SORCS2: variants seen among roughly 807,000 people sequenced by gnomAD.
The protein encoded by SORCS2 is sortilin related VPS10 domain containing receptor 2, also known as VPS10 domain-containing receptor SorCS2.
Under a neutral mutation model 141.6 loss-of-function variants are expected in SORCS2, and 100 were observed. The ratio of observed to expected loss-of-function variants is 0.71; its 90% CI spans 0.60 to 0.83. SORCS2 has a LOEUF of 0.83. Ranked by LOEUF, SORCS2 falls within the 40% of genes least tolerant of loss-of-function variation. The pLI is 0.00. For missense variants in SORCS2, 1,646 were observed against 1,560.2 expected (o/e 1.05, Z -0.93); for synonymous variants, 789 against 676.9 (o/e 1.17, Z -2.57).
chr4:7,398,390 T>C (rs6827958), intron 2 of SORCS2, among the ~76,000 whole-genome samples: 42,143 of 152,172 alleles, frequency 0.28, 6,698 homozygotes, highest in East Asian at 0.46. Context: ...TTGTGAGAAC[T>C]GAATGAGGAA....
rs761219784 is a variant in SORCS2, at chr4:7,472,175, C to T, written c.549-59355C>T. On this transcript the variant is annotated intron_variant, in intron 2 of 26. Transcript: ENST00000507866. The stretch of plus-strand genomic sequence containing the variant: ...TGCCCTGGGCAGGCTGCTGCAGGCA[C>T]AGAGGGGCCTCAGACCCAAAGAGCA... Among the ~76,000 whole-genome samples the T allele has an allele frequency of 2.6e-5, 4 of 152,262 alleles. No individual in the cohort carries two copies. In the East Asian group the frequency reaches 7.7e-4, roughly 29 times the overall value.
chr4:7,239,836 A>C (rs148528793), intron 1 of SORCS2, among the ~76,000 whole-genome samples: 34 of 152,382 alleles, frequency 2.2e-4, no homozygotes, highest in African/African-American at 7.0e-4. Context: ...ATAAAAGCCC[A>C]AGAATTTGTC....
Position 7,661,551 on chromosome 4 carries a change from A to G in SORCS2, c.939A>G (p.Gln313=). The change falls in exon 6 of 27, where the codon CAA becomes CAG. Residue 313 remains glutamine, a synonymous_variant. Transcript: ENST00000507866. ...ADPDLVHVEA[Q]DLGGDFRYVT... is the part of the protein sequence containing the mutation. Reference sequence around the variant, plus strand: ...CTGACTTGGTCCACGTGGAAGCCCAAGACCTCGGTGGAGGTAAGCCGGGCA... The same window carrying G: ...CTGACTTGGTCCACGTGGAAGCCCAGGACCTCGGTGGAGGTAAGCCGGGCA... 2 of 1,551,872 alleles carry G rather than the reference A, an allele frequency of 1.3e-6. No homozygotes were observed. Among genetic ancestry groups the G allele is most frequent in the South Asian group, 2.4e-5 (2 of 84,032 alleles).
intron 1 of SORCS2, among the ~76,000 whole-genome samples, chr4:7,299,034 C>T (rs1186150557): frequency 1.3e-5 from 2 of 152,284 alleles, no homozygotes; most frequent in African/African-American, 2.4e-5. Flanking sequence ...GCCGTTCTGG[C>T]CCCGCCACCC....
rs1279115124 is a variant in SORCS2, at chr4:7,546,109, T to C, written c.648+14480T>C. On this transcript the variant is annotated intron_variant, in intron 3 of 26. Transcript: ENST00000507866. Reference sequence around the variant, plus strand: ...GGTCCTGCCTCCAAATCCCATCACCTTGGGATTAGGGGTTCAGCCTGTGAA... The same window carrying C: ...GGTCCTGCCTCCAAATCCCATCACCCTGGGATTAGGGGTTCAGCCTGTGAA... Among the ~76,000 whole-genome samples, 3 of 151,998 alleles carry C rather than the reference T, an allele frequency of 2.0e-5. No homozygotes were observed. The East Asian group carries it at 5.8e-4, about 29-fold the overall frequency.
Position 7,655,928 on chromosome 4 carries a change from A to G in SORCS2, c.887+1721A>G, listed in dbSNP as rs1421421048. Among the ~76,000 whole-genome samples, 3 of 152,182 alleles carry G rather than the reference A, an allele frequency of 2.0e-5. 1 individual carries two copies. Among genetic ancestry groups the G allele is most frequent in the Admixed American group, 2.0e-4 (3 of 15,276 alleles). On this transcript the variant is annotated intron_variant, in intron 5 of 26. Transcript: ENST00000507866. ...AAATTGGCGATAATTCAAACGTGTT[A>G]TTATCTCAGGCAAATCAAATTGTTT...
intron 10 of SORCS2, among the ~76,000 whole-genome samples, chr4:7,686,750 C>G (rs944079991): frequency 3.9e-5 from 6 of 152,376 alleles, no homozygotes; most frequent in African/African-American, 4.8e-5. Flanking sequence ...TTCTTTTCAC[C>G]TGGTGTCCCA....
chr4:7,722,192 C>G (rs1057282548), intron 18 of SORCS2, among the ~76,000 whole-genome samples: 3 of 149,688 alleles, frequency 2.0e-5, no homozygotes, highest in Non-Finnish European at 4.4e-5. Flanking sequence ...CGAGTCCTGA[C>G]TCTGGGTCAC....
intron 2 of SORCS2, among the ~76,000 whole-genome samples, chr4:7,422,640 C>T (rs543515292): frequency 1.1e-3 from 167 of 152,238 alleles, no homozygotes; most frequent in African/African-American, 3.7e-3. Context: ...CTCAGACCCA[C>T]ACACTCCTTA....
chr4:7,514,952 G>A (rs373915639), intron 2 of SORCS2, among the ~76,000 whole-genome samples: 4 of 152,164 alleles, frequency 2.6e-5, no homozygotes, highest in African/African-American at 7.2e-5. Flanking sequence ...GGGCTCAGAG[G>A]TCACCCCCCA....
chr4:7,645,303 C>T (rs999559905), intron 4 of SORCS2, among the ~76,000 whole-genome samples: 4 of 152,168 alleles, frequency 2.6e-5, no homozygotes, highest in Non-Finnish European at 5.9e-5. Context: ...TCCTCAGCCC[C>T]TGGTACAGTC....
chr4:7,379,405 C>T (rs540128813), intron 1 of SORCS2, among the ~76,000 whole-genome samples: 36 of 152,244 alleles, frequency 2.4e-4, no homozygotes, highest in African/African-American at 7.9e-4. Flanking sequence ...GCACGAGAGG[C>T]GTATTCAGAT....
chr4:7,500,108 A>G (rs994746825), intron 2 of SORCS2, among the ~76,000 whole-genome samples: 3 of 151,888 alleles, frequency 2.0e-5, no homozygotes, highest in African/African-American at 7.3e-5. Flanking sequence ...TGGCACCCCC[A>G]TCCTGCCTGT....
chr4:7,528,508 C>T (rs909286596), intron 2 of SORCS2, among the ~76,000 whole-genome samples: 31 of 152,142 alleles, frequency 2.0e-4, no homozygotes, highest in African/African-American at 6.8e-4. Flanking sequence ...TCACTGCAAC[C>T]TCCACCTCCT....
At chr4:7,726,932 G>A (rs376703070) in intron 21 of SORCS2, 29 bp downstream of exon 21, 10 of 1,599,860 alleles carry the variant, frequency 6.3e-6, no homozygotes, top group Admixed American at 1.7e-5. Flanking sequence ...CTGGCAGCAC[G>A]GCCTCTGCAT....
intron 3 of SORCS2, among the ~76,000 whole-genome samples, chr4:7,631,611 C>T (rs1050494724): frequency 2.0e-5 from 3 of 152,046 alleles, no homozygotes; most frequent in Non-Finnish European, 2.9e-5. Context: ...CCTCTCAGAC[C>T]TACTCGGTGA....
chr4:7,399,849 G>A (rs1194197279), intron 2 of SORCS2, among the ~76,000 whole-genome samples: 1 of 152,266 alleles, frequency 6.6e-6, no homozygotes, highest in South Asian at 2.1e-4. Context: ...TTCAAGGTAG[G>A]TCCTCCCAGA....
intron 3 of SORCS2, among the ~76,000 whole-genome samples, chr4:7,565,637 A>G (rs1252738234): frequency 1.3e-5 from 2 of 149,024 alleles, no homozygotes; most frequent in African/African-American, 2.6e-5. Flanking sequence ...GATGGTGATG[A>G]TGGTGATTTT....
intron 1 of SORCS2, among the ~76,000 whole-genome samples, chr4:7,388,841 C>T (rs115508354): frequency 1.6e-3 from 237 of 152,274 alleles, no homozygotes; most frequent in African/African-American, 5.3e-3. Flanking sequence ...GCACCCCCGG[C>T]GATCCCCCCA....
Sources: allele counts gnomAD v4.1 joint callset (sites outside exome capture counted in the v4.1 genomes callset), GRCh38; gene constraint gnomAD v4.1.1; transcripts MANE v1.5; gene names NCBI Gene and HGNC (gene_info 2026-07-23, HGNC 2026-07-21).